PBRM1: variants seen among roughly 807,000 people sequenced by gnomAD.
The protein encoded by PBRM1 is polybromo 1, also known as protein polybromo-1.
PBRM1 carries 27 observed loss-of-function variants against 194.5 expected under a neutral mutation model. That is an observed-to-expected ratio of 0.14 (90% CI 0.10 to 0.19). PBRM1 has a LOEUF of 0.19. PBRM1 is among the 10% of genes least tolerant of loss of function. PBRM1 has a pLI of 1.00. For synonymous variants in PBRM1, 655 were observed against 693.2 expected (o/e 0.94, Z 0.87); for missense variants, 1,466 against 2,077.2 (o/e 0.71, Z 5.72).
At chr3:52,611,866 A>T (rs2094631032) in intron 15 of PBRM1, among the ~76,000 whole-genome samples, 1 of 152,110 alleles carries the variant, frequency 6.6e-6, no homozygotes, top group Non-Finnish European at 1.5e-5. Flanking sequence ...GCAATCAGCA[A>T]AACCCAGACT....
rs181313311 is a variant in PBRM1 at position 52,569,661 on chromosome 3, T to C, written c.3692-5428A>G. Among the ~76,000 whole-genome samples, 247 of 152,370 alleles carry C rather than the reference T, an allele frequency of 1.6e-3. 3 individuals are homozygous for C. The highest frequency in any genetic ancestry group is 0.016 in the Admixed American group (244 of 15,308). ...AACCTACCTAGGCATATGGTACTGC[T>C]TTGCAATTTGTTCAAGCATTCATTC... On this transcript the variant is annotated intron_variant, in intron 22 of 29. Coordinates refer to ENST00000296302, the Ensembl canonical transcript of PBRM1.
intron 6 of PBRM1, among the ~76,000 whole-genome samples, chr3:52,651,353 C>T (rs2096487621): frequency 6.6e-6 from 1 of 152,072 alleles, no homozygotes; most frequent in South Asian, 2.1e-4. Flanking sequence ...TATTTGGAAG[C>T]AGATAAAAAT....
At chr3:52,568,875 AT>A (rs1184311902) in intron 22 of PBRM1, among the ~76,000 whole-genome samples, 5 of 152,030 alleles carry the variant, frequency 3.3e-5, no homozygotes, top group Non-Finnish European at 7.4e-5. Flanking sequence ...ACTTTTCAGA[AT>A]TTTCCTGAGT....
At chr3:52,548,218 G>A in exon 30 of PBRM1, 1 of 1,578,388 alleles carries the variant, frequency 6.3e-7, no homozygotes, top group Non-Finnish European at 8.6e-7. Flanking sequence ...TTCGACAAAT[G>A]GACGTCGCGT....
chr3:52,582,099 G>A (rs551041434), intron 20 of PBRM1, among the ~76,000 whole-genome samples: 21 of 151,742 alleles, frequency 1.4e-4, no homozygotes, highest in African/African-American at 4.1e-4. Flanking sequence ...AAAAATAGCC[G>A]GGCATGGTGG....
At chr3:52,550,368 A>C (rs2080639250) in intron 29 of PBRM1, 53 bp downstream of exon 31, 1 of 924,884 alleles carries the variant, frequency 1.1e-6, no homozygotes, top group Non-Finnish European at 1.5e-6. Context: ...CAGCAGTAAG[A>C]CAGCTTTGAG....
intron 10 of PBRM1, among the ~76,000 whole-genome samples, chr3:52,639,934 A>G (rs1049604208): frequency 6.6e-6 from 1 of 152,174 alleles, no homozygotes; most frequent in African/African-American, 2.4e-5. Context: ...AAATACTTAC[A>G]TGAAGAAGTG....
Position 52,550,797 on chromosome 3 carries a change from C to A in PBRM1, c.4630G>T (p.Ala1544Ser), listed in dbSNP as rs767739463. Residue 1544 changes from alanine to serine, a missense_variant, in exon 28 of 30, where the codon GCC (alanine) becomes TCC (serine). Ala to Ser is a moderately conservative substitution (Grantham distance 99). Coordinates refer to ENST00000296302, the Ensembl canonical transcript of PBRM1. ...GGTGCTGGAGTCCCTACCATAGGGGCCACTCCTTGGTTCATCACACCTATA... is the reference window on the plus strand; with the variant it reads ...GGTGCTGGAGTCCCTACCATAGGGGACACTCCTTGGTTCATCACACCTATA... 165 of 1,610,002 alleles carry A rather than the reference C, an allele frequency of 1.0e-4. No homozygotes were observed. The Admixed American group carries it at 2.7e-3, about 26-fold the overall frequency.
chr3:52,648,616 C>A (rs778777739), intron 6 of PBRM1, among the ~76,000 whole-genome samples, 174 bp from the exon 8 acceptor site: 6 of 152,080 alleles, frequency 3.9e-5, no homozygotes, highest in Non-Finnish European at 7.4e-5. Flanking sequence ...TATTACTGTA[C>A]CCATTTATAA....
intron 10 of PBRM1, among the ~76,000 whole-genome samples, chr3:52,640,784 C>T (rs550147666): frequency 6.6e-5 from 10 of 151,896 alleles, no homozygotes; most frequent in Non-Finnish European, 1.5e-4. Flanking sequence ...ACTACAGGTG[C>T]GCTCCACCAT....
chr3:52,604,473 G>C (rs958265710), intron 16 of PBRM1, among the ~76,000 whole-genome samples: 1 of 152,202 alleles, frequency 6.6e-6, no homozygotes, highest in African/African-American at 2.4e-5. Flanking sequence ...GGCCGAGGCG[G>C]GAGGACTGCT....
At chr3:52,673,956 C>A (rs1306563342) in intron 2 of PBRM1, among the ~76,000 whole-genome samples, 4 of 151,006 alleles carry the variant, frequency 2.6e-5, no homozygotes, top group Non-Finnish European at 5.9e-5. Context: ...GAGGCTGAAG[C>A]ATAAGAATCA....
Position 52,571,856 on chromosome 3 carries a change from C to CAAAAAAAAAAAAA in PBRM1, c.3691+4672_3691+4684dup, listed in dbSNP as rs58430288. Among the ~76,000 whole-genome samples the CAAAAAAAAAAAAA allele has an allele frequency of 9.4e-4, 35 of 37,092 alleles. 12 individuals carry two copies. The highest frequency in any genetic ancestry group is 4.0e-3 in the African/African-American group (35 of 8,724). 24.3% of individuals were successfully genotyped at this position (37,092 alleles called of 152,430 possible). On this transcript the variant is annotated intron_variant, in intron 22 of 29. Coordinates refer to ENST00000296302, the Ensembl canonical transcript of PBRM1. ...GAGCAAGAGGGATACCTCATCTCCC[C>CAAAAAAAAAAAAA]AAAAAAAAAAAAAAAAAAAAAAAAA... is the stretch of plus-strand genomic sequence containing the variant.
chr3:52,659,666 T>TC (rs2096677198), intron 4 of PBRM1, among the ~76,000 whole-genome samples: 1 of 152,186 alleles, frequency 6.6e-6, no homozygotes, highest in Non-Finnish European at 1.5e-5. Flanking sequence ...CAAGTGATCC[T>TC]CCAGTCTCAG....
At chr3:52,684,433 T>C (rs2097274728), upstream of PBRM1, among the ~76,000 whole-genome samples, 1 of 152,168 alleles carries the variant, frequency 6.6e-6, no homozygotes, top group Non-Finnish European at 1.5e-5. Flanking sequence ...CTCTCCTATA[T>C]TTCTAGTAAT....
chr3:52,640,007 T>G (rs567094364), intron 10 of PBRM1, among the ~76,000 whole-genome samples: 2 of 152,346 alleles, frequency 1.3e-5, no homozygotes, highest in East Asian at 3.9e-4. Flanking sequence ...GCTTCCAGAC[T>G]AAGGGTAGTG....
At chr3:52,641,390 T>G (rs1415533945) in intron 10 of PBRM1, among the ~76,000 whole-genome samples, 1 of 133,272 alleles carries the variant, frequency 7.5e-6, no homozygotes, top group Non-Finnish European at 1.5e-5. Context: ...GACGTTGCAG[T>G]GAGCTAAGGT....
intron 10 of PBRM1, among the ~76,000 whole-genome samples, chr3:52,641,446 C>CAAAAAAAAAAAAAAAA (rs386396638): frequency 2.9e-4 from 20 of 69,796 alleles, no homozygotes; most frequent in East Asian, 4.0e-4. Flanking sequence ...GACTCCATCT[C>CAAAAAAAAAAAAAAAA]AAAAAAAAAA....
intron 13 of PBRM1, among the ~76,000 whole-genome samples, chr3:52,623,686 T>G (rs1001325239): frequency 1.3e-5 from 2 of 152,234 alleles, no homozygotes; most frequent in African/African-American, 2.4e-5. Context: ...ATTAACTAAC[T>G]GGATCCTCAC....
Sources: allele counts gnomAD v4.1 joint callset (sites outside exome capture counted in the v4.1 genomes callset), GRCh38; gene constraint gnomAD v4.1.1; transcripts MANE v1.5; gene names NCBI Gene and HGNC (gene_info 2026-07-23, HGNC 2026-07-21).